NBR1: variants seen among roughly 807,000 people sequenced by gnomAD.
The protein encoded by NBR1 is next to BRCA1 gene 1 protein.
In NBR1, 59 loss-of-function variants were observed where a neutral mutation model predicts 115.5. That is an observed-to-expected ratio of 0.51 (90% confidence interval 0.41 to 0.63). The LOEUF is 0.63. NBR1 is among the 30% of genes least tolerant of loss of function. NBR1 has a pLI of 0.00. For missense variants in NBR1, 1,043 were observed against 1,150.5 expected (o/e 0.91, Z 1.35); for synonymous variants, 373 against 414.7 (o/e 0.90, Z 1.22).
In NBR1 at chr17:43,195,051, A is replaced by C. The variant is rs1338493635; in HGVS notation, c.1750+12A>C. Reference sequence around the variant, plus strand: ...CAACACCCCTGTGGGTAAGAATGTCACTCATTTCATCTTGTTCGTCTTACT... The same window carrying C: ...CAACACCCCTGTGGGTAAGAATGTCCCTCATTTCATCTTGTTCGTCTTACT... On this transcript the variant is annotated intron_variant, in intron 14 of 20. Coordinates refer to ENST00000590996, the MANE Select transcript of NBR1 (RefSeq NM_005899.5). The C allele has an allele frequency of 1.1e-5, 17 of 1,607,036 alleles. No individual in the cohort carries two copies. Among genetic ancestry groups the C allele is most frequent in the Admixed American group, 1.7e-5 (1 of 59,890 alleles).
chr17:43,194,304 G>T, intron 12 of NBR1, 46 bp from the exon 13 acceptor site: 3 of 1,551,752 alleles, frequency 1.9e-6, no homozygotes, highest in African/African-American at 1.4e-5. Flanking sequence ...TGCCTCTTCA[G>T]TTCTGTTGAA....
intron 3 of NBR1, 65 bp downstream of exon 3, chr17:43,178,063 T>C (rs751745623): frequency 6.6e-6 from 10 of 1,511,256 alleles, no homozygotes; most frequent in East Asian, 2.4e-5. Flanking sequence ...TCCAGTGATA[T>C]GGGCTTTAAT....
rs201840910 is a variant in NBR1, at chr17:43,189,769, A to G, written c.662A>G (p.Gln221Arg). ...FSWHIACNNCQRRIVGVRYQC... is the reference protein window; with the variant it reads ...FSWHIACNNCRRRIVGVRYQC... ...TGGCATATTGCTTGCAACAACTGCC[A>G]AAGAAGGATTGTTGGTGTCCGCTAC... Residue 221 changes from glutamine (Q) to arginine (R), a missense_variant, in exon 8 of 21, where the codon CAA becomes CGA. Transcript: ENST00000590996. 3 of 1,613,942 alleles carry G rather than the reference A, an allele frequency of 1.9e-6. No homozygotes were observed. Among genetic ancestry groups the G allele is most frequent in the African/African-American group, 2.7e-5 (2 of 75,052 alleles).
chr17:43,174,512 C>T (rs1168194825), intron 1 of NBR1, among the ~76,000 whole-genome samples: 1 of 151,994 alleles, frequency 6.6e-6, no homozygotes. Context: ...GTGAGAGAAT[C>T]GCTTGAAACC....
intron 1 of NBR1, among the ~76,000 whole-genome samples, chr17:43,174,206 T>G (rs976268980): frequency 6.6e-6 from 1 of 152,116 alleles, no homozygotes; most frequent in Non-Finnish European, 1.5e-5. Flanking sequence ...AAATTGGTCC[T>G]GAGTTGATAA....
At chr17:43,189,986 T>C (rs1446516311) in intron 8 of NBR1, 184 bp downstream of exon 8, 4 of 613,676 alleles carry the variant, frequency 6.5e-6, no homozygotes, top group East Asian at 2.8e-5. Context: ...CTATTCAGAT[T>C]GTTGTGTTCA....
chr17:43,210,193 C>T lies in NBR1; in HGVS notation c.*119C>T, dbSNP rs916583272. 1.1e-4 allele frequency: 94 copies of T among 888,838 alleles called. No individual in the cohort carries two copies. Among genetic ancestry groups the T allele is most frequent in the Non-Finnish European group, 1.5e-4 (93 of 638,026 alleles). 55.1% of individuals were successfully genotyped at this position (888,838 alleles called of 1,614,324 possible). A position where few individuals can be genotyped will look rare whatever the true frequency, so the allele number is the denominator to read the frequency against. ...TCTGATGAATCTGTATAGAGCCCAT[C>T]GTTGAGTTACCAAGACAATACCTGC... On this transcript the variant is annotated 3_prime_UTR_variant, in exon 21 of 21. Transcript: ENST00000590996.
intron 1 of NBR1, among the ~76,000 whole-genome samples, chr17:43,174,491 A>G (rs11650272): frequency 0.33 from 49,550 of 151,812 alleles, 8,388 homozygotes; most frequent in South Asian, 0.52. Context: ...CCAGCTACTC[A>G]GGAGGCTGAG....
chr17:43,194,666 A>T (rs1395293568), intron 13 of NBR1, 167 bp downstream of exon 13: 1 of 779,720 alleles, frequency 1.3e-6, no homozygotes, highest in African/African-American at 1.7e-5. Flanking sequence ...TTTGTAAACT[A>T]GATGTTTCCT....
chr17:43,192,124 G>A (rs1396263143), intron 10 of NBR1, among the ~76,000 whole-genome samples: 9 of 139,228 alleles, frequency 6.5e-5, no homozygotes, highest in African/African-American at 2.4e-4. Context: ...GGGTTCAAGT[G>A]ATTCTCCTGC....
At chr17:43,173,965 A>G (rs2056442932) in intron 1 of NBR1, among the ~76,000 whole-genome samples, 1 of 152,166 alleles carries the variant, frequency 6.6e-6, no homozygotes, top group Admixed American at 6.5e-5. Flanking sequence ...AAACCAGTTA[A>G]ACGTAACCAT....
intron 6 of NBR1, among the ~76,000 whole-genome samples, chr17:43,188,054 C>T (rs916330916): frequency 6.6e-6 from 1 of 151,834 alleles, no homozygotes; most frequent in African/African-American, 2.4e-5. Flanking sequence ...CCACGCCTAG[C>T]TATTTTTTTG....
At chr17:43,194,010 C>T (rs1250043954) in intron 12 of NBR1, among the ~76,000 whole-genome samples, 1 of 152,198 alleles carries the variant, frequency 6.6e-6, no homozygotes, top group Non-Finnish European at 1.5e-5. Flanking sequence ...TCCCTAAATA[C>T]TAATGAAGTC....
chr17:43,170,933 A>C (rs917307825), upstream of NBR1: 1 of 152,292 alleles, frequency 6.6e-6, no homozygotes, highest in African/African-American at 2.4e-5. Context: ...TCGGGCAAGT[A>C]GTCCTCTAAG....
chr17:43,207,460 C>T (rs1425889558), intron 20 of NBR1, among the ~76,000 whole-genome samples: 1 of 152,174 alleles, frequency 6.6e-6, no homozygotes, highest in Non-Finnish European at 1.5e-5. Flanking sequence ...TGGATTCAAG[C>T]AATCCTCTCA....
At chr17:43,172,388 TA>T (rs1288142919) in intron 1 of NBR1, among the ~76,000 whole-genome samples, 4 of 152,232 alleles carry the variant, frequency 2.6e-5, no homozygotes, top group Non-Finnish European at 5.9e-5. Context: ...CCAGAGTATC[TA>T]AATTTCCAAT....
In NBR1 at chr17:43,201,779, A is replaced by C. The variant is rs771129798; in HGVS notation, c.2562A>C (p.Gly854=). The change falls in exon 18 of 21, where the codon GGA becomes GGC. Residue 854 remains glycine, a splice_region_variant and synonymous_variant. Transcript: ENST00000590996. ...CTTCAGTCCCTGATCAGATCAGAGG[A>C]GGTAATGATCAGCCTAAGCTTTTTC... The part of the protein sequence containing the change: ...EVSSVPDQIR[G]EPRGSSGLVN... The C allele has an allele frequency of 1.3e-6, 2 of 1,553,282 alleles. No individual in the cohort carries two copies. Among genetic ancestry groups the C allele is most frequent in the East Asian group, 4.5e-5 (2 of 44,574 alleles).
At chr17:43,194,636 A>G in intron 13 of NBR1, 137 bp downstream of exon 13, 1 of 1,024,032 alleles carries the variant, frequency 9.8e-7, no homozygotes, top group African/African-American at 1.6e-5. Flanking sequence ...AATGGGAAGG[A>G]GATCACCCAT....
chr17:43,209,496 C>A, intron 20 of NBR1: 2 of 1,332,488 alleles, frequency 1.5e-6, no homozygotes, highest in Non-Finnish European at 2.1e-6. Flanking sequence ...TAGCATCTTT[C>A]AGTAACACTT....
Sources: allele counts gnomAD v4.1 joint callset (sites outside exome capture counted in the v4.1 genomes callset), GRCh38; gene constraint gnomAD v4.1.1; transcripts MANE v1.5; gene names NCBI Gene and HGNC (gene_info 2026-07-23, HGNC 2026-07-21).